NCKAP1: variants seen among roughly 807,000 people sequenced by gnomAD.
The protein encoded by NCKAP1 is NCK associated protein 1, also known as nck-associated protein 1.
Under a neutral mutation model 151.2 loss-of-function variants are expected in NCKAP1, and 21 were observed. The observed-to-expected ratio is 0.14, with a 90% CI of 0.10 to 0.20. The LOEUF (loss-of-function observed/expected upper bound fraction) is 0.20, where lower values mean the gene tolerates loss of function less well. NCKAP1 is among the 10% of genes least tolerant of loss of function. The probability of loss-of-function intolerance (pLI) is 1.00; values close to 1 mark genes in which losing one functional copy is unlikely to be tolerated. For missense variants in NCKAP1, 933 were observed against 1,352.1 expected, an observed-to-expected ratio of 0.69 and a Z score of 4.86; for synonymous variants, 484 against 451.8, an observed-to-expected ratio of 1.07 and a Z score of -0.90.
intron 6 of NCKAP1, among the ~76,000 whole-genome samples, chr2:182,998,346 A>G (rs1559099809): frequency 6.6e-6 from 1 of 152,174 alleles, no homozygotes. Flanking sequence ...AGCCAGAGCA[A>G]TCAAGCAAGA....
chr2:182,948,208 C>T (rs761726852), intron 23 of NCKAP1, among the ~76,000 whole-genome samples: 2 of 151,326 alleles, frequency 1.3e-5, no homozygotes, highest in Admixed American at 6.6e-5. Flanking sequence ...AAAACAAATA[C>T]CAAAAAATAT....
chr2:183,009,529 T>C (rs1698551652), intron 2 of NCKAP1, among the ~76,000 whole-genome samples: 1 of 152,006 alleles, frequency 6.6e-6, no homozygotes, highest in South Asian at 2.1e-4. Flanking sequence ...AACACTAGCC[T>C]AGTAAAATAT....
At chr2:182,943,759 TATAATC>T (rs1346647802) in intron 23 of NCKAP1, among the ~76,000 whole-genome samples, 3 of 152,210 alleles carry the variant, frequency 2.0e-5, no homozygotes, top group Non-Finnish European at 4.4e-5. Flanking sequence ...CAAGGTAACT[TATAATC>T]ATATTTACTA....
intron 1 of NCKAP1, chr2:183,025,084 C>G: frequency 1.7e-6 from 2 of 1,164,602 alleles, no homozygotes; most frequent in Non-Finnish European, 2.5e-6. Context: ...AAAACTTATG[C>G]ACTGCAGACT....
intron 9 of NCKAP1, 72 bp downstream of exon 9, chr2:182,988,958 C>T: frequency 7.2e-7 from 1 of 1,392,330 alleles, no homozygotes; most frequent in South Asian, 1.3e-5. Context: ...TCCTTTATCC[C>T]CAAAACTTCA....
At chr2:182,986,072 C>T (rs1213551338) in intron 10 of NCKAP1, 99 bp downstream of exon 10, 2 of 1,074,620 alleles carry the variant, frequency 1.9e-6, no homozygotes, top group Non-Finnish European at 2.8e-6. Flanking sequence ...CTTCTACTAC[C>T]ATATCTTGCA....
chr2:182,956,513 G>A lies in NCKAP1; in HGVS notation c.2102C>T (p.Thr701Ile). The change falls in exon 20 of 31, where the codon ACC (threonine) becomes ATC (isoleucine). Residue 701 changes from threonine to isoleucine, a missense_variant. Physicochemically the swap from Thr to Ile is moderately conservative, Grantham distance 89 (BLOSUM62 -1). Transcript: ENST00000361354. Reference sequence around the variant, plus strand: ...AGTCAAATATTCTCGTGGGGTAAAGGTATGTTCCCATACCACCATGTTTGG... The same window carrying A: ...AGTCAAATATTCTCGTGGGGTAAAGATATGTTCCCATACCACCATGTTTGG... ...YVPNMVVWEH[T>I]FTPREYLTSH... The A allele has an allele frequency of 1.2e-6, 2 of 1,611,008 alleles. No homozygotes were observed. Among genetic ancestry groups the A allele is most frequent in the Non-Finnish European group, 8.5e-7 (1 of 1,178,254 alleles).
At chr2:183,012,411 A>G (rs1194576796) in intron 2 of NCKAP1, among the ~76,000 whole-genome samples, 1 of 152,170 alleles carries the variant, frequency 6.6e-6, no homozygotes, top group Non-Finnish European at 1.5e-5. Flanking sequence ...ACAGGAATAA[A>G]GCTGATGTTT....
At chr2:183,031,220 T>C (rs1028526947) in intron 1 of NCKAP1, among the ~76,000 whole-genome samples, 3 of 151,728 alleles carry the variant, frequency 2.0e-5, no homozygotes, top group African/African-American at 7.3e-5. Context: ...AAATTAGTGA[T>C]TCAAAAAAAA....
intron 24 of NCKAP1, among the ~76,000 whole-genome samples, chr2:182,936,524 A>C (rs964617198): frequency 1.6e-4 from 25 of 152,328 alleles, no homozygotes; most frequent in Middle Eastern, 6.8e-3. Flanking sequence ...GTATATACAT[A>C]ACAAATTTCT....
At chr2:182,954,363 CT>C (rs1269312283) in intron 20 of NCKAP1, among the ~76,000 whole-genome samples, 4 of 152,148 alleles carry the variant, frequency 2.6e-5, no homozygotes, top group Non-Finnish European at 4.4e-5. Context: ...CTGACCACCC[CT>C]ATTTCACTTT....
At chr2:182,967,577 G>A (rs1559085989) in intron 15 of NCKAP1, among the ~76,000 whole-genome samples, 1 of 152,066 alleles carries the variant, frequency 6.6e-6, no homozygotes, top group East Asian at 1.9e-4. Flanking sequence ...CCATAAAACA[G>A]TGTCTAATAT....
At chr2:182,971,013 C>A (rs150979024) in intron 15 of NCKAP1, among the ~76,000 whole-genome samples, 1 of 151,964 alleles carries the variant, frequency 6.6e-6, no homozygotes, top group Non-Finnish European at 1.5e-5. Flanking sequence ...AAAAAAAAGC[C>A]TATGAACAAA....
chr2:182,984,120 G>A (rs952730210), intron 10 of NCKAP1, among the ~76,000 whole-genome samples: 1 of 151,394 alleles, frequency 6.6e-6, no homozygotes, highest in South Asian at 2.1e-4. Flanking sequence ...TAGAACTTAA[G>A]TATCTGGTTA....
chr2:182,981,631 G>A (rs187249318), intron 12 of NCKAP1, among the ~76,000 whole-genome samples: 16 of 152,000 alleles, frequency 1.1e-4, no homozygotes, highest in Admixed American at 7.2e-4. Flanking sequence ...AAGCAGGGCC[G>A]GGCACAGTGG....
intron 1 of NCKAP1, among the ~76,000 whole-genome samples, chr2:183,029,048 C>T (rs559857968): frequency 1.3e-5 from 2 of 151,864 alleles, no homozygotes; most frequent in Admixed American, 1.3e-4. Context: ...ACCCGGAAGG[C>T]GCAGGTTGCA....
chr2:182,929,627 G>A (rs6742781), intron 27 of NCKAP1, among the ~76,000 whole-genome samples: 143,432 of 151,922 alleles, frequency 0.94, 67,822 homozygotes, highest in East Asian at 0.99. Flanking sequence ...TGTAAGAAAA[G>A]AGCTGAAATA....
intron 14 of NCKAP1, among the ~76,000 whole-genome samples, chr2:182,977,803 A>G (rs1697856683): frequency 6.6e-6 from 1 of 152,238 alleles, no homozygotes; most frequent in South Asian, 2.1e-4. Context: ...CAATATGAAT[A>G]TACTTAACAC....
At chr2:183,013,999 A>C (rs1455552595) in intron 2 of NCKAP1, among the ~76,000 whole-genome samples, 1 of 152,138 alleles carries the variant, frequency 6.6e-6, no homozygotes, top group Admixed American at 6.5e-5. Context: ...GGTCACCCTA[A>C]GTAAATTACA....
Sources: allele counts gnomAD v4.1 joint callset (sites outside exome capture counted in the v4.1 genomes callset), GRCh38; gene constraint gnomAD v4.1.1; transcripts MANE v1.5; gene names NCBI Gene and HGNC (gene_info 2026-07-23, HGNC 2026-07-21).